DLG2: variants seen among roughly 807,000 people sequenced by gnomAD.
DLG2 encodes disks large homolog 2.
Under a neutral mutation model 132.5 loss-of-function variants are expected in DLG2, and 45 were observed. That is an observed-to-expected ratio of 0.34 (90% CI 0.27 to 0.44). The LOEUF is 0.44. Among genes scored for constraint, DLG2 ranks in the 20% least tolerant of loss-of-function variants. DLG2 has a pLI of 1.00. For synonymous variants in DLG2, 424 were observed against 419.6 expected (o/e 1.01, Z -0.13); for missense variants, 1,045 against 1,196.9 (o/e 0.87, Z 1.87).
chr11:84,288,576 T>G (rs1250521693), intron 7 of DLG2, among the ~76,000 whole-genome samples: 1 of 152,088 alleles, frequency 6.6e-6, no homozygotes, highest in Non-Finnish European at 1.5e-5. Context: ...TGTAACTAAA[T>G]CTCAGAGTCA....
intron 18 of DLG2, among the ~76,000 whole-genome samples, chr11:83,642,061 G>A (rs1468914187): frequency 1.3e-5 from 2 of 152,178 alleles, no homozygotes; most frequent in African/African-American, 4.8e-5. Context: ...CACAAAGGAA[G>A]AGGATGTATG....
intron 7 of DLG2, among the ~76,000 whole-genome samples, chr11:84,417,070 T>G (rs902572966): frequency 6.6e-6 from 1 of 152,166 alleles, no homozygotes; most frequent in African/African-American, 2.4e-5. Flanking sequence ...AGGCAGCTAG[T>G]TGGTGAACAG....
intron 7 of DLG2, among the ~76,000 whole-genome samples, chr11:84,463,722 T>C (rs542180333): frequency 6.6e-6 from 1 of 151,186 alleles, no homozygotes; most frequent in Non-Finnish European, 1.5e-5. Context: ...TGATGTACAA[T>C]GAATGCTGGA....
At chr11:85,218,878 T>C (rs1371219572) in intron 4 of DLG2, among the ~76,000 whole-genome samples, 1 of 152,180 alleles carries the variant, frequency 6.6e-6, no homozygotes, top group Non-Finnish European at 1.5e-5. Flanking sequence ...TGGAATACTA[T>C]GCAGCCATAA....
chr11:84,374,519 A>C (rs2098721399), intron 7 of DLG2, among the ~76,000 whole-genome samples: 1 of 152,106 alleles, frequency 6.6e-6, no homozygotes, highest in Admixed American at 6.5e-5. Context: ...CATTAATGTT[A>C]GTGTATTTTA....
At chr11:84,149,618 G>T (rs1367617333) in intron 9 of DLG2, among the ~76,000 whole-genome samples, 1 of 152,096 alleles carries the variant, frequency 6.6e-6, no homozygotes, top group Non-Finnish European at 1.5e-5. Flanking sequence ...GGTTTCTGTA[G>T]CCTTGTAATG....
chr11:83,829,990 T>C (rs942169493), intron 17 of DLG2, among the ~76,000 whole-genome samples: 5 of 152,166 alleles, frequency 3.3e-5, no homozygotes, highest in African/African-American at 9.7e-5. Flanking sequence ...AGTGAGAACA[T>C]GCGGTGTTTC....
chr11:84,668,579 C>G (rs1021663727), intron 6 of DLG2, among the ~76,000 whole-genome samples: 45 of 152,242 alleles, frequency 3.0e-4, no homozygotes, highest in African/African-American at 1.1e-3. Context: ...CAAGCTACAT[C>G]TATTGAACGC....
At chr11:85,088,741 T>C (rs933158024) in intron 6 of DLG2, among the ~76,000 whole-genome samples, 6 of 152,188 alleles carry the variant, frequency 3.9e-5, no homozygotes, top group Admixed American at 1.3e-4. Context: ...TTTAAGCTTG[T>C]TAAAGAAAAA....
At chr11:84,619,226 T>C (rs1416826466) in intron 6 of DLG2, among the ~76,000 whole-genome samples, 3 of 151,862 alleles carry the variant, frequency 2.0e-5, no homozygotes, top group Non-Finnish European at 4.4e-5. Flanking sequence ...AAAGAATTCT[T>C]AGGGAAATTT....
Position 83,455,186 on chromosome 11 carries a change from C to A in DLG2, c.*4632G>T, listed in dbSNP as rs1322812012. 1 of 152,500 alleles carries A rather than the reference C, an allele frequency of 6.6e-6. No individual in the cohort carries two copies. Among genetic ancestry groups the A allele is most frequent in the South Asian group, 2.1e-4 (1 of 4,810 alleles). The allele number at this position is 152,500 out of a possible 1,614,324, so 9.4% of individuals were successfully genotyped here. A position where few individuals can be genotyped will look rare whatever the true frequency, so the allele number is the denominator to read the frequency against. ...GAAATATACATCTTGATTTTATAAT[C>A]GTGTGTGCTTTATTTTTTACACAAA... On this transcript the variant is annotated 3_prime_UTR_variant, in exon 28 of 28. Transcript: ENST00000376104.
intron 14 of DLG2, among the ~76,000 whole-genome samples, chr11:83,947,004 C>A (rs935275904): frequency 1.3e-5 from 2 of 152,088 alleles, no homozygotes; most frequent in African/African-American, 4.8e-5. Flanking sequence ...TATGAAACTT[C>A]GACAGTATAT....
chr11:83,884,373 C>T (rs545538954), intron 15 of DLG2, among the ~76,000 whole-genome samples: 9 of 152,270 alleles, frequency 5.9e-5, no homozygotes, highest in Admixed American at 2.0e-4. Context: ...AACTGTAAGG[C>T]GGCAGCGAGG....
chr11:85,498,448 A>C (rs969391233), intron 3 of DLG2, among the ~76,000 whole-genome samples: 1 of 152,074 alleles, frequency 6.6e-6, no homozygotes, highest in African/African-American at 2.4e-5. Context: ...GAGAGACCTA[A>C]AAAGAGACTT....
chr11:84,552,400 A>G (rs1226582505), intron 6 of DLG2, among the ~76,000 whole-genome samples: 2 of 152,194 alleles, frequency 1.3e-5, no homozygotes, highest in East Asian at 3.9e-4. Flanking sequence ...AGTAAGAGGA[A>G]TGGATCACCT....
chr11:84,890,112 A>G (rs2154062783), intron 6 of DLG2, among the ~76,000 whole-genome samples: 1 of 152,256 alleles, frequency 6.6e-6, no homozygotes, highest in Non-Finnish European at 1.5e-5. Flanking sequence ...AACCCTTTTT[A>G]TTTTCTAGAT....
At chr11:83,819,161 C>T (rs1397210160) in intron 17 of DLG2, among the ~76,000 whole-genome samples, 1 of 152,010 alleles carries the variant, frequency 6.6e-6, no homozygotes, top group Non-Finnish European at 1.5e-5. Context: ...TGGAGGCAGA[C>T]CCTCCGCCAA....
chr11:85,491,942 T>C (rs2093569335), intron 3 of DLG2, among the ~76,000 whole-genome samples: 1 of 149,232 alleles, frequency 6.7e-6, no homozygotes, highest in Non-Finnish European at 1.5e-5. Flanking sequence ...CAAACCAATA[T>C]TAAGCAAGAT....
At chr11:85,511,436 G>A (rs947612613) in intron 3 of DLG2, among the ~76,000 whole-genome samples, 2 of 151,912 alleles carry the variant, frequency 1.3e-5, no homozygotes, top group African/African-American at 4.8e-5. Context: ...CAATAGATTT[G>A]AGTTATTAAT....
Sources: allele counts gnomAD v4.1 joint callset (sites outside exome capture counted in the v4.1 genomes callset), GRCh38; gene constraint gnomAD v4.1.1; transcripts MANE v1.5; gene names NCBI Gene and HGNC (gene_info 2026-07-23, HGNC 2026-07-21).